The following MFNG variants were observed in gnomAD, a reference collection of about 807,000 sequenced individuals.
MFNG encodes beta-1,3-N-acetylglucosaminyltransferase manic fringe.
Under a neutral mutation model 34.2 loss-of-function variants are expected in MFNG, and 24 were observed. The observed-to-expected ratio is 0.70, with a 90% CI of 0.51 to 0.99. The LOEUF (loss-of-function observed/expected upper bound fraction) is 0.99. Among genes scored for constraint, MFNG ranks in the 50% least tolerant of loss-of-function variants. MFNG has a pLI of 0.00. For synonymous variants in MFNG, 158 were observed against 179.2 expected, an observed-to-expected ratio of 0.88 and a Z score of 0.94; for missense variants, 383 against 424.0, an observed-to-expected ratio of 0.90 and a Z score of 0.85.
intron 4 of MFNG, 39 bp from the exon 5 acceptor site, chr22:37,477,020 T>A: frequency 6.3e-7 from 1 of 1,582,576 alleles, no homozygotes; most frequent in Non-Finnish European, 8.7e-7. Flanking sequence ...GTGAGCCTGG[T>A]GGCAGTTGTG....
At position 37,483,369 on chromosome 22, in the gene MFNG, C is replaced by T. The variant is rs937770274; in HGVS notation, c.255+2554G>A. 3.3e-5 allele frequency among the ~76,000 whole-genome samples: 5 copies of T among 152,048 alleles called. No individual in the cohort carries two copies. The highest frequency in any genetic ancestry group is 7.3e-5 in the Non-Finnish European group (5 of 68,030). ...GGTTTTCAACACAGCCTCAAGGGAT[C>T]CTATCAAAGAAACCAGGCCTTTCCT... On this transcript the variant is annotated intron_variant, in intron 1 of 7. Transcript: ENST00000356998. This position sits in a 1 kb window ranked among gnomAD's most constrained non-coding sequence, Gnocchi z 4.5.
At position 37,486,314 on chromosome 22, in the gene MFNG, A is replaced by C. The variant is rs1922556201; in HGVS notation, c.-137T>G. ...GGCTGGCAAGGAGGGAAGAGGTAGGAGCTGAGGCTCTGGACCCAGAGGCTG... is the reference window on the plus strand; with the variant it reads ...GGCTGGCAAGGAGGGAAGAGGTAGGCGCTGAGGCTCTGGACCCAGAGGCTG... On this transcript the variant is annotated 5_prime_UTR_variant, in exon 1 of 8. Coordinates refer to ENST00000356998, the MANE Select transcript of MFNG (RefSeq NM_002405.4). 1 of 1,005,920 alleles carries C rather than the reference A, an allele frequency of 9.9e-7. No individual in the cohort carries two copies. Among genetic ancestry groups the C allele is most frequent in the Non-Finnish European group, 1.4e-6 (1 of 729,024 alleles). The allele number at this position is 1,005,920 out of a possible 1,614,324, so 62.3% of individuals were successfully genotyped here. A position where few individuals can be genotyped will look rare whatever the true frequency, so the allele number is the denominator to read the frequency against.
chr22:37,476,722 A>T (rs760539431), intron 5 of MFNG, among the ~76,000 whole-genome samples, 174 bp downstream of exon 5: 3 of 152,190 alleles, frequency 2.0e-5, no homozygotes, highest in Non-Finnish European at 2.9e-5. Context: ...GCAGCCCCTG[A>T]GGGCAGGTGG....
At position 37,475,398 on chromosome 22, in the gene MFNG, A is replaced by AT. The variant is rs537743092; in HGVS notation, c.648-722dup. Among the ~76,000 whole-genome samples the AT allele has an allele frequency of 6.7e-3, 1,019 of 152,098 alleles. 8 individuals are homozygous for AT. Among genetic ancestry groups the AT allele is most frequent in the African/African-American group, 0.023 (960 of 41,472 alleles). ...GCTGCCATGCCCGGCTAATCTTTGT[A>AT]TTTTTAGTAGAGACAGAGTTTCACC... On this transcript the variant is annotated intron_variant, in intron 5 of 7. Transcript: ENST00000356998.
rs1463275164 is a variant in MFNG at position 37,482,772 on chromosome 22, A to G, written c.256-2003T>C. On this transcript the variant is annotated intron_variant, in intron 1 of 7. Transcript: ENST00000356998. The surrounding 1 kb of genome is among the most constrained non-coding windows in gnomAD (Gnocchi z 4.1). ...CTTGCTCCGGCACCTGGCTCTCCTC[A>G]GGAAGGCCTGTGCAGCATCCACCCT... Among the ~76,000 whole-genome samples the G allele has an allele frequency of 6.6e-6, 1 of 152,128 alleles. No homozygotes were observed. The highest frequency in any genetic ancestry group is 2.4e-5 in the African/African-American group (1 of 41,422).
intron 5 of MFNG, among the ~76,000 whole-genome samples, chr22:37,475,506 G>A (rs1353015210): frequency 6.6e-6 from 1 of 152,188 alleles, no homozygotes; most frequent in Non-Finnish European, 1.5e-5. Flanking sequence ...TTACAGGCAT[G>A]AGCCACCTAA....
At chr22:37,472,617 T>A in intron 6 of MFNG, 89 bp from the exon 7 acceptor site, 3 of 1,284,922 alleles carry the variant, frequency 2.3e-6, no homozygotes, top group Non-Finnish European at 3.2e-6. Flanking sequence ...GGAGGGGTTT[T>A]AAGCTGCAGG....
In MFNG at chr22:37,474,500, A is replaced by G. The variant is rs774649725; in HGVS notation, c.813+12T>C. ...CCTTCCCATTTGCCACCTGCCCCCA[A>G]GGCCAGCTCACCTGTTCTGGGAGCT... On this transcript the variant is annotated intron_variant, in intron 6 of 7. Coordinates refer to ENST00000356998, the MANE Select transcript of MFNG (RefSeq NM_002405.4). 6.2e-6 allele frequency: 10 copies of G among 1,613,112 alleles called. No homozygotes were observed.
chr22:37,479,211 C>G, intron 4 of MFNG, 134 bp downstream of exon 4: 1 of 942,722 alleles, frequency 1.1e-6, no homozygotes, highest in Non-Finnish European at 1.5e-6. Flanking sequence ...GGGAAGCTAC[C>G]AGCCCAAACC....
At chr22:37,477,877 C>A (rs890051366) in intron 4 of MFNG, among the ~76,000 whole-genome samples, 3 of 152,178 alleles carry the variant, frequency 2.0e-5, no homozygotes, top group African/African-American at 7.2e-5. Flanking sequence ...TGTTATCACC[C>A]ATTTCACAGA....
chr22:37,480,111 G>C (rs527923568), intron 3 of MFNG, 86 bp downstream of exon 3: 1 of 1,055,576 alleles, frequency 9.5e-7, no homozygotes, highest in East Asian at 2.5e-5. Flanking sequence ...AGAGGAGTGG[G>C]GGCTGAAGTC....
At chr22:37,480,488 G>C (rs56132131) in intron 2 of MFNG, among the ~76,000 whole-genome samples, 189 bp from the exon 3 acceptor site, 11,037 of 152,226 alleles carry the variant, frequency 0.073, 414 homozygotes, top group African/African-American at 0.088. Context: ...TGGACAGCAG[G>C]CTGGGCTGGG....
At chr22:37,477,450 C>CT (rs1013684096) in intron 4 of MFNG, among the ~76,000 whole-genome samples, 21 of 146,424 alleles carry the variant, frequency 1.4e-4, no homozygotes, top group South Asian at 6.4e-4. Flanking sequence ...ATCACTAACA[C>CT]TTTTTTTTTT....
chr22:37,472,176 G>A (rs1921835927), intron 7 of MFNG, among the ~76,000 whole-genome samples: 1 of 152,058 alleles, frequency 6.6e-6, no homozygotes, highest in African/African-American at 2.4e-5. Context: ...GAGGATTGGG[G>A]CTGGGAGAGC....
intron 1 of MFNG, 147 bp from the exon 2 acceptor site, chr22:37,480,916 G>T (rs1370855879): frequency 2.9e-6 from 2 of 693,310 alleles, no homozygotes; most frequent in Non-Finnish European, 2.5e-6. Flanking sequence ...GCTCCTTTAG[G>T]ACAACATACA....
intron 5 of MFNG, among the ~76,000 whole-genome samples, 159 bp from the exon 6 acceptor site, chr22:37,474,836 C>G (rs150248893): frequency 1.6e-3 from 239 of 152,330 alleles, no homozygotes; most frequent in African/African-American, 4.9e-3. Flanking sequence ...CCTTGGGGAG[C>G]CTCAGCCTCA....
In MFNG at chr22:37,483,965, G is replaced by C. The variant is rs942654389; in HGVS notation, c.255+1958C>G. On this transcript the variant is annotated intron_variant, in intron 1 of 7. Coordinates refer to ENST00000356998, the MANE Select transcript of MFNG (RefSeq NM_002405.4). This position sits in a 1 kb window ranked among gnomAD's most constrained non-coding sequence, Gnocchi z 4.5. Reference sequence around the variant, plus strand: ...TGGAGCCAAGGGCTGCATTTGACTTGTTTAAGGAGGGGACCTGACAATGGT... The same window carrying C: ...TGGAGCCAAGGGCTGCATTTGACTTCTTTAAGGAGGGGACCTGACAATGGT... Among the ~76,000 whole-genome samples the C allele has an allele frequency of 1.3e-5, 2 of 152,182 alleles. No individual in the cohort carries two copies. Among genetic ancestry groups the C allele is most frequent in the African/African-American group, 4.8e-5 (2 of 41,422 alleles).
Position 37,474,495 on chromosome 22 carries a change from C to T in MFNG, c.813+17G>A, listed in dbSNP as rs1388101874. 1.2e-6 allele frequency: 2 copies of T among 1,612,886 alleles called. No homozygotes were observed. The highest frequency in any genetic ancestry group is 1.7e-5 in the Admixed American group (1 of 59,938). On this transcript the variant is annotated intron_variant, in intron 6 of 7. Coordinates refer to ENST00000356998, the MANE Select transcript of MFNG (RefSeq NM_002405.4). The stretch of plus-strand genomic sequence containing the variant: ...GTTCCCCTTCCCATTTGCCACCTGC[C>T]CCCAAGGCCAGCTCACCTGTTCTGG...
rs2145728419 is a variant in MFNG at position 37,474,449 on chromosome 22, G to A, written c.813+63C>T. 15 of 1,574,936 alleles carry A rather than the reference G, an allele frequency of 9.5e-6. No individual in the cohort carries two copies. The South Asian group carries it at 1.7e-4, about 18-fold the overall frequency. On this transcript the variant is annotated intron_variant, in intron 6 of 7. Coordinates refer to ENST00000356998, the MANE Select transcript of MFNG (RefSeq NM_002405.4). The stretch of plus-strand genomic sequence containing the variant: ...TTTCAAACGCCAGGAGGGAGGGTTG[G>A]GGGGACCCCATGTTCCTTTGGTTCC...
Sources: allele counts gnomAD v4.1 joint callset (sites outside exome capture counted in the v4.1 genomes callset), GRCh38; gene constraint gnomAD v4.1.1; non-coding constraint Gnocchi (gnomAD v3.1); transcripts MANE v1.5; gene names NCBI Gene and HGNC (gene_info 2026-07-23, HGNC 2026-07-21).